The following MYO7B variants were observed in gnomAD, a reference collection of about 807,000 sequenced individuals.
The protein encoded by MYO7B is myosin VIIB, also known as unconventional myosin-VIIb.
MYO7B carries 212 observed loss-of-function variants against 259.7 expected under a neutral mutation model. That is an observed-to-expected ratio of 0.82 (90% CI 0.73 to 0.91). The LOEUF (loss-of-function observed/expected upper bound fraction) is 0.91, where lower values mean the gene tolerates loss of function less well. Among genes scored for constraint, MYO7B ranks in the 40% least tolerant of loss-of-function variants. The pLI, the probability that MYO7B is intolerant of heterozygous loss-of-function variation, is 0.00. For synonymous variants in MYO7B, 1,197 were observed against 1,166.4 expected (o/e 1.03, Z -0.54); for missense variants, 2,732 against 2,813.5 (o/e 0.97, Z 0.66).
rs1008676563 is a variant in MYO7B, at chr2:127,619,447, A to C, written c.3399-893A>C. The stretch of plus-strand genomic sequence containing the variant: ...TGGATTGGAGGAATGAAGGGATGGG[A>C]GGGCTCCAGGATGACCCCCAGATTT... On this transcript the variant is annotated intron_variant, in intron 26 of 47. Transcript: ENST00000409816. Among the ~76,000 whole-genome samples the C allele has an allele frequency of 2.6e-5, 4 of 151,654 alleles. No homozygotes were observed. The South Asian group carries it at 8.3e-4, about 32-fold the overall frequency.
At chr2:127,632,808 C>T (rs1681592881) in intron 39 of MYO7B, among the ~76,000 whole-genome samples, 1 of 152,194 alleles carries the variant, frequency 6.6e-6, no homozygotes, top group Non-Finnish European at 1.5e-5. Context: ...CCCCACCCCT[C>T]CTGCCTCCTC....
chr2:127,564,162 G>T lies in MYO7B; in HGVS notation c.28G>T (p.Val10Leu), dbSNP rs375126214. 6.4e-7 allele frequency: 1 copy of T among 1,564,322 alleles called. No homozygotes were observed. Among genetic ancestry groups the T allele is most frequent in the Non-Finnish European group, 8.7e-7 (1 of 1,154,572 alleles). ...TCTGTCTGCCCTCCAGGGTGACCAC[G>T]TGTGGCTGGAGCCTCCCTCCACCCA... MSGFRLGDHVWLEPPSTHKT... is the reference protein window; with the variant it reads MSGFRLGDHLWLEPPSTHKT... The change falls in exon 3 of 48, where the codon GTG (valine) becomes TTG (leucine). Residue 10 changes from valine to leucine, a missense_variant. This residue lies in a region of MYO7B where 1,906 missense variants were observed against 2,026.4 expected (regional missense o/e 0.94). Transcript: ENST00000409816.
At chr2:127,621,938 C>G (rs755268775) in intron 27 of MYO7B, 44 bp from the exon 28 acceptor site, 2 of 1,551,490 alleles carry the variant, frequency 1.3e-6, no homozygotes, top group African/African-American at 2.7e-5. Flanking sequence ...AAACTGGCCT[C>G]CTTTCTGAGT....
At position 127,637,461 on chromosome 2, in the gene MYO7B, TA is replaced by T. The variant is rs749995673; in HGVS notation, c.*45del. On this transcript the variant is annotated 3_prime_UTR_variant, in exon 48 of 48. Coordinates refer to ENST00000409816, the MANE Select transcript of MYO7B (RefSeq NM_001393586.1). ...CTGCTCAGGCGCCCTTCCCGACCTC[TA>T]GCCTGGCGGCACCTTCCCAGGCCCT... The T allele has an allele frequency of 8.6e-6, 12 of 1,399,458 alleles. No individual in the cohort carries two copies. Among genetic ancestry groups the T allele is most frequent in the Middle Eastern group, 1.8e-4 (1 of 5,420 alleles). 86.7% of individuals were successfully genotyped at this position (1,399,458 alleles called of 1,614,324 possible).
chr2:127,584,027 T>C lies in MYO7B; in HGVS notation c.1344-95T>C. 8.9e-7 allele frequency: 1 copy of C among 1,124,924 alleles called. No homozygotes were observed. The highest frequency in any genetic ancestry group is 1.3e-6 in the Non-Finnish European group (1 of 769,436). 69.7% of individuals were successfully genotyped at this position (1,124,924 alleles called of 1,614,324 possible). A position where few individuals can be genotyped will look rare whatever the true frequency, so the allele number is the denominator to read the frequency against. On this transcript the variant is annotated intron_variant, in intron 12 of 47. Coordinates refer to ENST00000409816, the MANE Select transcript of MYO7B (RefSeq NM_001393586.1). The surrounding 1 kb of genome is among the most constrained non-coding windows in gnomAD (Gnocchi z 5.8). ...CTGTGGGCATATCTGTATGCAGCTG[T>C]TTGCAGATGGCTGGTGATCCTATGG...
chr2:127,537,386 G>T (rs1032049135), intron 1 of MYO7B, among the ~76,000 whole-genome samples: 4 of 152,174 alleles, frequency 2.6e-5, no homozygotes, highest in African/African-American at 9.7e-5. Flanking sequence ...TGTTGGCCTT[G>T]TGTAGGAGCT....
chr2:127,569,931 C>A (rs1316811507), intron 6 of MYO7B, 21 bp downstream of exon 6: 2 of 1,600,350 alleles, frequency 1.2e-6, no homozygotes, highest in East Asian at 2.2e-5. Flanking sequence ...CTCTGGGACC[C>A]GCCCTTCTCC....
chr2:127,545,436 G>T (rs1024802931), intron 1 of MYO7B, among the ~76,000 whole-genome samples: 5 of 152,194 alleles, frequency 3.3e-5, no homozygotes, highest in African/African-American at 1.2e-4. Context: ...CCGCATGCTG[G>T]GATGAGATCA....
chr2:127,581,766 C>T (rs1286489025), intron 10 of MYO7B, 125 bp from the exon 11 acceptor site: 34 of 1,340,144 alleles, frequency 2.5e-5, no homozygotes, highest in Non-Finnish European at 3.3e-5. Context: ...CCTCGGGCAG[C>T]GCCCACCCTC....
At chr2:127,552,683 G>A (rs1187251500) in intron 1 of MYO7B, among the ~76,000 whole-genome samples, 1 of 152,158 alleles carries the variant, frequency 6.6e-6, no homozygotes, top group Non-Finnish European at 1.5e-5. Flanking sequence ...CAGCGGGGAG[G>A]AGGGCAGGAC....
Position 127,612,346 on chromosome 2 carries a change from A to G in MYO7B, c.3270+19A>G, listed in dbSNP as rs1391131307. On this transcript the variant is annotated intron_variant, in intron 25 of 47. Transcript: ENST00000409816. ...AGGCCAGGTGAGCCCAGAGCACAGA[A>G]TCTCTGCTCCCAGCTGCTGCTGGCC... 7 of 1,321,050 alleles carry G rather than the reference A, an allele frequency of 5.3e-6. No individual in the cohort carries two copies. In the Admixed American group the frequency reaches 1.2e-4, roughly 22 times the overall value. 81.8% of individuals were successfully genotyped at this position (1,321,050 alleles called of 1,614,324 possible).
At chr2:127,570,715 A>AC (rs1678563494) in intron 6 of MYO7B, among the ~76,000 whole-genome samples, 1 of 149,742 alleles carries the variant, frequency 6.7e-6, no homozygotes, top group African/African-American at 2.5e-5. Flanking sequence ...TTTTCCCTTC[A>AC]CCCCCCAGAT....
At chr2:127,566,360 C>T (rs916379686) in intron 4 of MYO7B, among the ~76,000 whole-genome samples, 1 of 152,226 alleles carries the variant, frequency 6.6e-6, no homozygotes, top group Non-Finnish European at 1.5e-5. Context: ...TTATCGAGCC[C>T]CTTCTAAATA....
At chr2:127,563,501 C>T (rs138577436) in intron 2 of MYO7B, among the ~76,000 whole-genome samples, 1 of 152,316 alleles carries the variant, frequency 6.6e-6, no homozygotes, top group East Asian at 1.9e-4. Context: ...AGAGAGACTG[C>T]TTCCTGCAAA....
At chr2:127,626,786 A>T (rs527624302) in intron 31 of MYO7B, 189 bp from the exon 32 acceptor site, 1 of 542,374 alleles carries the variant, frequency 1.8e-6, no homozygotes, top group Non-Finnish European at 3.3e-6. Flanking sequence ...CTCAAAAAAG[A>T]AAAAAAAAGG....
intron 1 of MYO7B, among the ~76,000 whole-genome samples, chr2:127,538,480 G>A (rs1692877632): frequency 6.6e-6 from 1 of 152,124 alleles, no homozygotes; most frequent in Non-Finnish European, 1.5e-5. Flanking sequence ...GCAACCTAGA[G>A]GGTCTTGCTC....
Position 127,607,329 on chromosome 2 carries a change from C to T in MYO7B, c.2548C>T (p.Gln850Ter), listed in dbSNP as rs1186741594. 1.3e-6 allele frequency: 2 copies of T among 1,551,444 alleles called. No individual in the cohort carries two copies. The highest frequency in any genetic ancestry group is 1.7e-6 in the Non-Finnish European group (2 of 1,146,882). Reference sequence around the variant, plus strand: ...CCTGTGCAGGGGATACCTGGTGCGCCAGCAAGTCCAGGCCAAGAGGAGGGC... The same window carrying T: ...CCTGTGCAGGGGATACCTGGTGCGCTAGCAAGTCCAGGCCAAGAGGAGGGC... ...QALCRGYLVR[Q>*]QVQAKRRAVV... Residue 850 changes from glutamine to a stop codon, truncating the protein, a stop_gained, in exon 21 of 48, where the codon CAG (glutamine) becomes TAG (stop). Coordinates refer to ENST00000409816, the MANE Select transcript of MYO7B (RefSeq NM_001393586.1). LOFTEE classifies it high-confidence loss of function. This position sits in a 1 kb window ranked among gnomAD's most constrained non-coding sequence, Gnocchi z 4.4.
chr2:127,585,480 T>G lies in MYO7B; in HGVS notation c.1690+567T>G, dbSNP rs1395126185. Among the ~76,000 whole-genome samples the G allele has an allele frequency of 2.0e-5, 3 of 152,230 alleles. No individual in the cohort carries two copies. Among genetic ancestry groups the G allele is most frequent in the African/African-American group, 7.2e-5 (3 of 41,452 alleles). ...CTGGAATGTTTATCTCGTCATCAGTTGGCGGACATTTGGGTTTTTTCCACT... is the reference window on the plus strand; with the variant it reads ...CTGGAATGTTTATCTCGTCATCAGTGGGCGGACATTTGGGTTTTTTCCACT... On this transcript the variant is annotated intron_variant, in intron 14 of 47. Coordinates refer to ENST00000409816, the MANE Select transcript of MYO7B (RefSeq NM_001393586.1). The surrounding 1 kb of genome is among the most constrained non-coding windows in gnomAD (Gnocchi z 4.3).
At position 127,628,876 on chromosome 2, in the gene MYO7B, C is replaced by T. The variant is rs1681303600; in HGVS notation, c.4624+341C>T. On this transcript the variant is annotated intron_variant, in intron 34 of 47. Coordinates refer to ENST00000409816, the MANE Select transcript of MYO7B (RefSeq NM_001393586.1). This position sits in a 1 kb window ranked among gnomAD's most constrained non-coding sequence, Gnocchi z 4.8. ...CCCACAGCGCACTGCTGCAAAAGCACCCCATTATCCCATTTTACAGACGTG... is the reference window on the plus strand; with the variant it reads ...CCCACAGCGCACTGCTGCAAAAGCATCCCATTATCCCATTTTACAGACGTG... Among the ~76,000 whole-genome samples, 1 of 152,242 alleles carries T rather than the reference C, an allele frequency of 6.6e-6. No homozygotes were observed. Among genetic ancestry groups the T allele is most frequent in the Non-Finnish European group, 1.5e-5 (1 of 68,048 alleles).
Sources: gnomAD v4.1 joint callset for allele counts (sites outside exome capture counted in the v4.1 genomes callset) on GRCh38, gnomAD v4.1.1 for gene constraint, gnomAD v4.1.1 regional missense constraint, Gnocchi (gnomAD v3.1) non-coding constraint, MANE v1.5 for transcripts, NCBI Gene and HGNC (gene_info 2026-07-23, HGNC 2026-07-21) for gene names.